RAB35: variants seen among roughly 807,000 people sequenced by gnomAD.
RAB35 encodes the protein RAB35, member RAS oncogene family, also known as ras-related protein Rab-35.
In RAB35, 4 loss-of-function variants were observed where a neutral mutation model predicts 28.9. The ratio of observed to expected loss-of-function variants is 0.14; its 90% CI spans 0.07 to 0.32. RAB35 has a LOEUF of 0.32. Among genes scored for constraint, RAB35 ranks in the 10% least tolerant of loss-of-function variants. RAB35 has a pLI of 1.00. For missense variants in RAB35, 128 were observed against 274.0 expected, an observed-to-expected ratio of 0.47 and a Z score of 3.76; for synonymous variants, 99 against 105.1, an observed-to-expected ratio of 0.94 and a Z score of 0.35.
At chr12:120,110,720 G>A (rs1303083042) in intron 1 of RAB35, among the ~76,000 whole-genome samples, 3 of 152,204 alleles carry the variant, frequency 2.0e-5, no homozygotes, top group Non-Finnish European at 2.9e-5. Flanking sequence ...CCTGGTGAGT[G>A]AGCTGCCCCA....
At chr12:120,102,275 C>G (rs1048365216) in intron 3 of RAB35, among the ~76,000 whole-genome samples, 2 of 152,222 alleles carry the variant, frequency 1.3e-5, no homozygotes, top group Non-Finnish European at 2.9e-5. Flanking sequence ...CAGGACCAAC[C>G]CAGAGCAAGG....
At chr12:120,114,781 G>A (rs1876262456) in intron 1 of RAB35, among the ~76,000 whole-genome samples, 1 of 152,140 alleles carries the variant, frequency 6.6e-6, no homozygotes, top group Non-Finnish European at 1.5e-5. Flanking sequence ...CCATCCCCTG[G>A]GCTTTACAGA....
chr12:120,096,662 C>G lies in RAB35; in HGVS notation c.*583G>C. ...CCAGCTCCCAGAATGGCTGTGGGGA[C>G]AGGACAACGGGGAGGGAAGGGAGCT... On this transcript the variant is annotated 3_prime_UTR_variant, in exon 6 of 6. Coordinates refer to ENST00000229340, the MANE Select transcript of RAB35 (RefSeq NM_006861.7). The G allele has an allele frequency of 7.8e-7, 1 of 1,289,856 alleles. No homozygotes were observed. The highest frequency in any genetic ancestry group is 1.0e-6 in the Non-Finnish European group (1 of 988,880). 79.9% of individuals were successfully genotyped at this position (1,289,856 alleles called of 1,614,324 possible). A position where few individuals can be genotyped will look rare whatever the true frequency, so the allele number is the denominator to read the frequency against.
At chr12:120,116,100 GGATACTGAT>G (rs781031019) in intron 1 of RAB35, among the ~76,000 whole-genome samples, 13 of 152,166 alleles carry the variant, frequency 8.5e-5, no homozygotes, top group Non-Finnish European at 1.9e-4. Context: ...CGCTTATAAA[GGATACTGAT>G]GATAATGACA....
chr12:120,110,537 G>A (rs1429646989), intron 1 of RAB35, among the ~76,000 whole-genome samples: 1 of 152,056 alleles, frequency 6.6e-6, no homozygotes, highest in African/African-American at 2.4e-5. Flanking sequence ...TAACAGGCCT[G>A]AGCCACTGCA....
At chr12:120,106,234 A>AT (rs1470920753) in intron 2 of RAB35, among the ~76,000 whole-genome samples, 1 of 152,188 alleles carries the variant, frequency 6.6e-6, no homozygotes, top group African/African-American at 2.4e-5. Flanking sequence ...GAAGAGGAAC[A>AT]TTTTTTAGCA....
chr12:120,102,010 C>T (rs1875678791), intron 3 of RAB35, among the ~76,000 whole-genome samples: 1 of 152,184 alleles, frequency 6.6e-6, no homozygotes, highest in Admixed American at 6.5e-5. Context: ...TGGCCACGGG[C>T]CTCTGAACCT....
intron 1 of RAB35, among the ~76,000 whole-genome samples, chr12:120,113,351 C>G (rs1450063754): frequency 3.3e-5 from 5 of 152,102 alleles, no homozygotes; most frequent in Non-Finnish European, 7.3e-5. Context: ...CCTCAGCCAC[C>G]ACCTCACTGT....
At position 120,100,749 on chromosome 12, in the gene RAB35, C is replaced by T. The variant is rs760330438; in HGVS notation, c.228-1595G>A. ...CCAGGGCAGCGTCGCTCCTTGGCTT[C>T]GGGGTAGCTGTGACGATCAAGCTCT... On this transcript the variant is annotated intron_variant, in intron 3 of 5. Transcript: ENST00000229340. Among the ~76,000 whole-genome samples the T allele has an allele frequency of 8.5e-5, 13 of 152,344 alleles. No homozygotes were observed. The East Asian group carries it at 1.9e-3, about 23-fold the overall frequency.
chr12:120,116,732 G>C lies in RAB35; in HGVS notation c.-82C>G, dbSNP rs1395360481. ...CAGCTCCCTTCGGGCTGCTCCGGCA[G>C]CGGCGGATCCACTTCCCGAACAAAC... is the stretch of plus-strand genomic sequence containing the variant. On this transcript the variant is annotated 5_prime_UTR_variant, in exon 1 of 6. Transcript: ENST00000229340. 8.3e-7 allele frequency: 1 copy of C among 1,204,120 alleles called. No homozygotes were observed. Among genetic ancestry groups the C allele is most frequent in the African/African-American group, 1.6e-5 (1 of 63,302 alleles). 74.6% of individuals were successfully genotyped at this position (1,204,120 alleles called of 1,614,324 possible).
rs188007691 is a variant in RAB35 at position 120,103,622 on chromosome 12, C to T, written c.227+204G>A. 8.5e-5 allele frequency among the ~76,000 whole-genome samples: 13 copies of T among 152,316 alleles called. No homozygotes were observed. The highest frequency in any genetic ancestry group is 2.9e-4 in the African/African-American group (12 of 41,572). On this transcript the variant is annotated intron_variant, in intron 3 of 5. Coordinates refer to ENST00000229340, the MANE Select transcript of RAB35 (RefSeq NM_006861.7). The surrounding 1 kb of genome is among the most constrained non-coding windows in gnomAD (Gnocchi z 6.1). ...GCCAGACTCCAGCCAGGGTGCTCAG[C>T]GACTCCCCCACAGCACCCCCCTCAC...
chr12:120,098,467 C>T (rs188871081), intron 5 of RAB35, among the ~76,000 whole-genome samples: 1 of 152,368 alleles, frequency 6.6e-6, no homozygotes, highest in East Asian at 1.9e-4. Flanking sequence ...CCACACAGCA[C>T]AAGGCGGCCA....
intron 2 of RAB35, among the ~76,000 whole-genome samples, chr12:120,107,866 C>CAA (rs57274207): frequency 7.8e-3 from 245 of 31,598 alleles, no homozygotes; most frequent in Non-Finnish European, 0.013. Flanking sequence ...GACTCCATCT[C>CAA]AAAAAAAAAA....
At chr12:120,097,478 G>A (rs1052376834) in intron 5 of RAB35, 105 bp from the exon 6 acceptor site, 4 of 859,502 alleles carry the variant, frequency 4.7e-6, no homozygotes, top group Non-Finnish European at 5.5e-6. Flanking sequence ...CTTTCTACCT[G>A]TGCATTTTTG....
Position 120,096,734 on chromosome 12 carries a change from A to C in RAB35, c.*511T>G. ...GCAAGACCCTGTGCAGCGGGGACAG[A>C]GGCTGACAACCTGTCGGAGAGAATG... On this transcript the variant is annotated 3_prime_UTR_variant, in exon 6 of 6. Coordinates refer to ENST00000229340, the MANE Select transcript of RAB35 (RefSeq NM_006861.7). 11 of 1,290,024 alleles carry C rather than the reference A, an allele frequency of 8.5e-6. No homozygotes were observed. Among genetic ancestry groups the C allele is most frequent in the Non-Finnish European group, 1.1e-5 (11 of 988,960 alleles). 79.9% of individuals were successfully genotyped at this position (1,290,024 alleles called of 1,614,324 possible). A position where few individuals can be genotyped will look rare whatever the true frequency, so the allele number is the denominator to read the frequency against.
intron 2 of RAB35, among the ~76,000 whole-genome samples, chr12:120,104,475 C>A (rs543909371): frequency 6.6e-6 from 1 of 152,308 alleles, no homozygotes; most frequent in South Asian, 2.1e-4. Context: ...GTCAAGCCTG[C>A]CGCCCAAGGC....
intron 3 of RAB35, among the ~76,000 whole-genome samples, chr12:120,102,208 T>C (rs960141928): frequency 2.0e-5 from 3 of 152,194 alleles, no homozygotes; most frequent in Non-Finnish European, 4.4e-5. Context: ...AAAATGGAGA[T>C]AGTCACAGGT....
At chr12:120,114,652 T>C (rs909683950) in intron 1 of RAB35, among the ~76,000 whole-genome samples, 6 of 152,250 alleles carry the variant, frequency 3.9e-5, no homozygotes, top group Admixed American at 6.5e-5. Context: ...TACGCCTACA[T>C]GGCTGACCTA....
At chr12:120,107,547 C>T (rs569902707) in intron 2 of RAB35, among the ~76,000 whole-genome samples, 2 of 152,142 alleles carry the variant, frequency 1.3e-5, no homozygotes, top group Admixed American at 1.3e-4. Context: ...AGCCAGTAAC[C>T]CCACTTCTAC....
Sources: allele counts gnomAD v4.1 joint callset (sites outside exome capture counted in the v4.1 genomes callset), GRCh38; gene constraint gnomAD v4.1.1; non-coding constraint Gnocchi (gnomAD v3.1); transcripts MANE v1.5; gene names NCBI Gene and HGNC (gene_info 2026-07-23, HGNC 2026-07-21).